Variants in F3 observed in about 807,000 individuals in gnomAD.
The protein encoded by F3 is coagulation factor III, tissue factor.
Under a neutral mutation model 33.5 loss-of-function variants are expected in F3, and 18 were observed. The observed-to-expected ratio is 0.54, with a 90% confidence interval of 0.37 to 0.80. The LOEUF is 0.80. Among genes scored for constraint, F3 ranks in the 30% least tolerant of loss-of-function variants. The pLI, the probability that F3 is intolerant of heterozygous loss-of-function variation, is 0.00. For synonymous variants in F3, 147 were observed against 140.7 expected, an observed-to-expected ratio of 1.05 and a Z score of -0.32; for missense variants, 353 against 362.1, an observed-to-expected ratio of 0.97 and a Z score of 0.20.
Position 94,535,994 on chromosome 1 carries a change from T to C in F3, c.383A>G (p.Asn128Ser), listed in dbSNP as rs1651592209. 6.2e-7 allele frequency: 1 copy of C among 1,613,906 alleles called. No individual in the cohort carries two copies. The highest frequency in any genetic ancestry group is 8.5e-7 in the Non-Finnish European group (1 of 1,179,994). ...TGSAGEPLYE[N>S]SPEFTPYLET... is the part of the protein sequence containing the mutation. Reference sequence around the variant, plus strand: ...CAGGTAAGGTGTGAACTCTGGGGAGTTCTCATACAGAGGCTCCCCAGCAGA... The same window carrying C: ...CAGGTAAGGTGTGAACTCTGGGGAGCTCTCATACAGAGGCTCCCCAGCAGA... Residue 128 changes from asparagine to serine, a missense_variant, in exon 3 of 6, where the codon AAC (asparagine) becomes AGC (serine). Transcript: ENST00000334047.
intron 2 of F3, among the ~76,000 whole-genome samples, 177 bp downstream of exon 2, chr1:94,540,080 G>T (rs1020844221): frequency 3.3e-5 from 5 of 152,210 alleles, no homozygotes; most frequent in Non-Finnish European, 7.3e-5. Flanking sequence ...TTTAAGGTCT[G>T]GAAATGTTGC....
chr1:94,532,506 C>T, intron 4 of F3, 26 bp from the exon 5 acceptor site: 1 of 1,610,852 alleles, frequency 6.2e-7, no homozygotes, highest in Non-Finnish European at 8.5e-7. Flanking sequence ...GTTCTTAATT[C>T]ATCTGGGCTC....
chr1:94,532,211 C>T, intron 5 of F3, 110 bp downstream of exon 5: 1 of 1,108,978 alleles, frequency 9.0e-7, no homozygotes, highest in Non-Finnish European at 1.3e-6. Flanking sequence ...GTTTGTTTTC[C>T]TGAATATTTA....
intron 2 of F3, among the ~76,000 whole-genome samples, chr1:94,538,228 C>T (rs895730457): frequency 3.3e-5 from 5 of 152,320 alleles, no homozygotes; most frequent in Non-Finnish European, 5.9e-5. Flanking sequence ...AGGTTGTTTT[C>T]CAGAAGCTTT....
chr1:94,541,434 A>G, intron 1 of F3, 103 bp downstream of exon 1: 4 of 939,770 alleles, frequency 4.3e-6, no homozygotes, highest in Non-Finnish European at 5.9e-6. Flanking sequence ...GGGGGACAAC[A>G]TGGGCGCCCC....
At chr1:94,538,548 T>C (rs1490333468) in intron 2 of F3, among the ~76,000 whole-genome samples, 1 of 152,224 alleles carries the variant, frequency 6.6e-6, no homozygotes, top group Non-Finnish European at 1.5e-5. Context: ...ACTTTCCTTC[T>C]TCCTCCCGCT....
At chr1:94,532,680 C>T (rs1427735616) in intron 4 of F3, among the ~76,000 whole-genome samples, 200 bp from the exon 5 acceptor site, 1 of 152,178 alleles carries the variant, frequency 6.6e-6, no homozygotes, top group African/African-American at 2.4e-5. Context: ...CTGAGAAGAT[C>T]CAATTTAGGC....
chr1:94,536,091 C>A lies in F3; in HGVS notation c.286G>T (p.Val96Leu). 1 of 1,614,190 alleles carries A rather than the reference C, an allele frequency of 6.2e-7. No individual in the cohort carries two copies. Residue 96 changes from valine to leucine, a missense_variant, in exon 3 of 6, where the codon GTG (valine) becomes TTG (leucine). Transcript: ENST00000334047. ...DTECDLTDEI[V>L]KDVKQTYLAR... ...AAGTACGTCTGCTTCACATCCTTCA[C>A]AATCTCGTCGGTGAGGTCACACTCT...
At chr1:94,530,683 A>T in intron 5 of F3, 87 bp from the exon 6 acceptor site, 1 of 1,502,306 alleles carries the variant, frequency 6.7e-7, no homozygotes, top group South Asian at 1.2e-5. Flanking sequence ...CCCAAATTAC[A>T]CCATCCTATT....
chr1:94,531,707 G>A (rs1396507673), intron 5 of F3, among the ~76,000 whole-genome samples: 1 of 152,220 alleles, frequency 6.6e-6, no homozygotes, highest in Admixed American at 6.5e-5. Flanking sequence ...CTTCCTGCAA[G>A]AGTCTGAAGG....
In F3 at chr1:94,532,376, CCGGTTAACTGTT is replaced by C. The variant is rs1319836754; in HGVS notation, c.684_695del (p.Thr229_Arg232del). 3 of 1,614,176 alleles carry C rather than the reference CCGGTTAACTGTT, an allele frequency of 1.9e-6. No homozygotes were observed. In the East Asian group the frequency reaches 6.7e-5, roughly 36 times the overall value. On this transcript the variant is annotated inframe_deletion, in exon 5 of 6. Transcript: ENST00000334047. Reference sequence around the variant, plus strand: ...ACTCTACCGGGCTGTCTGTACTCTTCCGGTTAACTGTTCGGGAGGGAATCACTGCTTGAACAC... The same window carrying C: ...ACTCTACCGGGCTGTCTGTACTCTTCCGGGAGGGAATCACTGCTTGAACAC...
chr1:94,535,608 A>G (rs1297481619), intron 3 of F3, among the ~76,000 whole-genome samples: 4 of 152,092 alleles, frequency 2.6e-5, no homozygotes, highest in African/African-American at 4.8e-5. Context: ...ATCAGGATAC[A>G]TGATATATAT....
intron 5 of F3, 63 bp downstream of exon 5, chr1:94,532,258 A>C: frequency 6.7e-6 from 10 of 1,497,590 alleles, no homozygotes; most frequent in Non-Finnish European, 9.1e-6. Context: ...GGGTGGAGCT[A>C]CTCCTCCAGA....
At chr1:94,540,116 C>A (rs1651729003) in intron 2 of F3, 141 bp downstream of exon 2, 2 of 660,202 alleles carry the variant, frequency 3.0e-6, no homozygotes, top group Non-Finnish European at 5.3e-6. Flanking sequence ...TGACACCGGC[C>A]AGCGAATTGC....
In F3 at chr1:94,539,382, T is replaced by C. The variant is rs3789685; in HGVS notation, c.212+875A>G. Among the ~76,000 whole-genome samples, 402 of 152,334 alleles carry C rather than the reference T, an allele frequency of 2.6e-3. 2 individuals are homozygous for C. The highest frequency in any genetic ancestry group is 0.017 in the East Asian group (86 of 5,188). ...GATGCATCGTTATCTAGAAGTTGCA[T>C]TCCTAATGCTGTAAAAGGCCTGGCA... is the stretch of plus-strand genomic sequence containing the variant. On this transcript the variant is annotated intron_variant, in intron 2 of 5. Coordinates refer to ENST00000334047, the MANE Select transcript of F3 (RefSeq NM_001993.5).
At chr1:94,537,985 C>T (rs1651662659) in intron 2 of F3, among the ~76,000 whole-genome samples, 1 of 152,192 alleles carries the variant, frequency 6.6e-6, no homozygotes, top group African/African-American at 2.4e-5. Flanking sequence ...TCCCAGCTCA[C>T]AGCAGGGACC....
At chr1:94,532,725 CT>C (rs1203707475) in intron 4 of F3, among the ~76,000 whole-genome samples, 3 of 152,188 alleles carry the variant, frequency 2.0e-5, no homozygotes, top group Non-Finnish European at 4.4e-5. Context: ...TAGAAGATAT[CT>C]GCAGTAAAAG....
chr1:94,541,723 G>C lies in F3; in HGVS notation c.-87C>G. On this transcript the variant is annotated 5_prime_UTR_variant, in exon 1 of 6. Transcript: ENST00000334047. ...GGCTGAAGGCGCCCTGGGCCGGCCA[G>C]AGGGAGTGCGAGGGGGTGCGGGGAG... 1 of 722,186 alleles carries C rather than the reference G, an allele frequency of 1.4e-6. No individual in the cohort carries two copies. Among genetic ancestry groups the C allele is most frequent in the Non-Finnish European group, 2.0e-6 (1 of 500,722 alleles). The allele number at this position is 722,186 out of a possible 1,614,324, so 44.7% of individuals were successfully genotyped here. A position where few individuals can be genotyped will look rare whatever the true frequency, so the allele number is the denominator to read the frequency against.
Position 94,537,763 on chromosome 1 carries a change from T to C in F3, c.213-1599A>G, listed in dbSNP as rs376923882. Among the ~76,000 whole-genome samples the C allele has an allele frequency of 7.2e-5, 11 of 152,362 alleles. No homozygotes were observed. In the East Asian group the frequency reaches 9.6e-4, roughly 13 times the overall value. On this transcript the variant is annotated intron_variant, in intron 2 of 5. Transcript: ENST00000334047. Reference sequence around the variant, plus strand: ...AACTAAGATTGATACTGAAATATTTTGGTTTCTATTTATTTAATTTTATGT... The same window carrying C: ...AACTAAGATTGATACTGAAATATTTCGGTTTCTATTTATTTAATTTTATGT...
Sources: allele counts gnomAD v4.1 joint callset (sites outside exome capture counted in the v4.1 genomes callset), GRCh38; gene constraint gnomAD v4.1.1; transcripts MANE v1.5; gene names NCBI Gene and HGNC (gene_info 2026-07-23, HGNC 2026-07-21).